The following VWF variants were observed in gnomAD, a reference collection of about 807,000 sequenced individuals.
The protein encoded by VWF is von Willebrand factor, also known as Factor VIII related antigen.
VWF carries 176 observed loss-of-function variants against 308.6 expected under a neutral mutation model. That is an observed-to-expected ratio of 0.57 (90% CI 0.50 to 0.65). The LOEUF (loss-of-function observed/expected upper bound fraction) is 0.65. Among genes scored for constraint, VWF ranks in the 30% least tolerant of loss-of-function variants. The probability of loss-of-function intolerance (pLI) is 0.00; values close to 1 mark genes in which losing one functional copy is unlikely to be tolerated. For synonymous variants in VWF, 1,385 were observed against 1,443.4 expected (o/e 0.96, Z 0.92); for missense variants, 3,146 against 3,648.2 (o/e 0.86, Z 3.55).
rs1465365401 is a variant in VWF, at chr12:5,995,930, CT to C, written c.6063+71del. 3.7e-5 allele frequency: 54 copies of C among 1,447,760 alleles called. No individual in the cohort carries two copies. The East Asian group carries it at 1.2e-3, about 33-fold the overall frequency. The allele number at this position is 1,447,760 out of a possible 1,614,324, so 89.7% of individuals were successfully genotyped here. On this transcript the variant is annotated intron_variant, in intron 35 of 51. Transcript: ENST00000261405. ...TAACAAGAGCATCAACTAAAAGCAACTGCCACCAGGTCCAGGTGGTTTTCCT... is the reference window on the plus strand; with the variant it reads ...TAACAAGAGCATCAACTAAAAGCAACGCCACCAGGTCCAGGTGGTTTTCCT...
At chr12:6,041,153 G>A (rs1015137082) in intron 18 of VWF, among the ~76,000 whole-genome samples, 1 of 152,096 alleles carries the variant, frequency 6.6e-6, no homozygotes, top group Non-Finnish European at 1.5e-5. Flanking sequence ...TTTAAGGCCG[G>A]GCATGGTGGC....
chr12:5,963,950 G>C (rs1469881996), intron 47 of VWF, among the ~76,000 whole-genome samples: 1 of 152,226 alleles, frequency 6.6e-6, no homozygotes, highest in African/African-American at 2.4e-5. Flanking sequence ...GCTCACGCCT[G>C]TAATCCCAGC....
chr12:6,075,011 G>A lies in VWF; in HGVS notation c.874+324C>T, dbSNP rs1190970751. Among the ~76,000 whole-genome samples, 1 of 151,322 alleles carries A rather than the reference G, an allele frequency of 6.6e-6. No individual in the cohort carries two copies. Among genetic ancestry groups the A allele is most frequent in the Non-Finnish European group, 1.5e-5 (1 of 67,906 alleles). On this transcript the variant is annotated intron_variant, in intron 7 of 51. Coordinates refer to ENST00000261405, the MANE Select transcript of VWF (RefSeq NM_000552.5). This position sits in a 1 kb window ranked among gnomAD's most constrained non-coding sequence, Gnocchi z 4.7. ...GGCGGTGAAGACAAAAACCAAAACC[G>A]CAACTGCCAAGATCTTGGTGGGAAG...
rs536353943 is a variant in VWF, at chr12:6,026,128, C to A, written c.2968-82G>T. On this transcript the variant is annotated intron_variant, in intron 22 of 51. Transcript: ENST00000261405. ...TCAGGGGAAAGGGGAACATTCCTGG[C>A]GGCAATGGAGGCAGAGGGCATTCGA... 3.1e-6 allele frequency: 5 copies of A among 1,600,386 alleles called. No individual in the cohort carries two copies. In the South Asian group the frequency reaches 3.3e-5, roughly 11 times the overall value.
chr12:5,969,301 C>T lies in VWF; in HGVS notation c.7639G>A (p.Val2547Ile), dbSNP rs763283384. The T allele has an allele frequency of 2.7e-5, 43 of 1,614,032 alleles. No homozygotes were observed. The highest frequency in any genetic ancestry group is 2.3e-4 in the South Asian group (21 of 91,086). ...GGGACCTCCAGCTGGGGGCAGGAGA[C>T]GTTCCTTTGTTGTATAAAGACCTCC... ...KEEVFIQQRN[V>I]SCPQLEVPVC... The change falls in exon 45 of 52, where the codon GTC becomes ATC. Residue 2547 changes from valine to isoleucine, a missense_variant. Val to Ile is a conservative substitution (Grantham distance 29, BLOSUM62 3). This residue lies in a region of VWF where 989 missense variants were observed against 1,117.4 expected (regional missense o/e 0.89). Transcript: ENST00000261405.
At chr12:6,010,478 T>G (rs1459336398) in intron 34 of VWF, among the ~76,000 whole-genome samples, 1 of 152,188 alleles carries the variant, frequency 6.6e-6, no homozygotes, top group African/African-American at 2.4e-5. Context: ...CATATGCACT[T>G]ATCTTTTGAC....
chr12:6,069,872 A>C (rs1944761734), intron 10 of VWF, among the ~76,000 whole-genome samples: 1 of 152,232 alleles, frequency 6.6e-6, no homozygotes, highest in Non-Finnish European at 1.5e-5. Flanking sequence ...CATCATGTAC[A>C]TAGTTGGTGT....
Position 6,031,460 on chromosome 12 carries a change from T to C in VWF, c.2804A>G (p.Glu935Gly). 1 of 1,614,076 alleles carries C rather than the reference T, an allele frequency of 6.2e-7. No homozygotes were observed. The highest frequency in any genetic ancestry group is 8.5e-7 in the Non-Finnish European group (1 of 1,180,026). ...TGCACTTACCTCCCCGTCAAACAGC[T>C]CAATCTCTCCTCCCTCCACCAGGAT... The part of the protein sequence containing the change: ...VTILVEGGEI[E>G]LFDGEVNVKR... The change falls in exon 21 of 52, where the codon GAG becomes GGG. Residue 935 changes from glutamate (E) to glycine (G), a missense_variant. Glu to Gly is a moderately conservative substitution (Grantham distance 98). Coordinates refer to ENST00000261405, the MANE Select transcript of VWF (RefSeq NM_000552.5).
intron 21 of VWF, 38 bp from the exon 22 acceptor site, chr12:6,029,526 G>A (rs1944234477): frequency 1.2e-6 from 2 of 1,612,914 alleles, no homozygotes; most frequent in African/African-American, 2.7e-5. Context: ...GGAGGATGAA[G>A]GGCAGGCTCG....
In VWF at chr12:6,058,007, C is replaced by T. The variant is rs772428931; in HGVS notation, c.1571G>A (p.Cys524Tyr). 6.2e-7 allele frequency: 1 copy of T among 1,613,272 alleles called. No homozygotes were observed. Among genetic ancestry groups the T allele is most frequent in the African/African-American group, 1.3e-5 (1 of 74,950 alleles). Reference protein sequence around the residue: ...PVYAGKTCGLCGNYNGNQGDD... With the variant: ...PVYAGKTCGLYGNYNGNQGDD... ...GCCCTGGTTGCCATTGTAATTCCCACACAGGCCGCAGGTCTTCCCGGCATA... is the reference window on the plus strand; with the variant it reads ...GCCCTGGTTGCCATTGTAATTCCCATACAGGCCGCAGGTCTTCCCGGCATA... The change falls in exon 14 of 52, where the codon TGT (cysteine) becomes TAT (tyrosine). Residue 524 changes from cysteine (C) to tyrosine (Y), a missense_variant. This residue lies in a region of VWF where 1,304 missense variants were observed against 1,353.0 expected (regional missense o/e 0.96). Transcript: ENST00000261405. The surrounding 1 kb of genome is among the most constrained non-coding windows in gnomAD (Gnocchi z 4.9).
intron 5 of VWF, among the ~76,000 whole-genome samples, chr12:6,103,476 G>GTATATACACATATGTGTGTA (rs1565391175): frequency 2.5e-5 from 3 of 122,258 alleles, no homozygotes; most frequent in African/African-American, 1.2e-4. Context: ...ACATATGTGT[G>GTATATACACATATGTGTGTA]TATATACATA....
chr12:5,949,497 A>G (rs1943154479), intron 51 of VWF, among the ~76,000 whole-genome samples: 1 of 152,112 alleles, frequency 6.6e-6, no homozygotes, highest in African/African-American at 2.4e-5. Context: ...GGAAAATTTT[A>G]TATATGTTTG....
At position 6,063,507 on chromosome 12, in the gene VWF, A is replaced by G. The variant is rs1944679454; in HGVS notation, c.1433-453T>C. ...TTGTTGCTTCTGTGGGAAGGTGGCG[A>G]CAGATAGGAGCACACCCCTTGCCCT... On this transcript the variant is annotated intron_variant, in intron 12 of 51. Transcript: ENST00000261405. The surrounding 1 kb of genome is among the most constrained non-coding windows in gnomAD (Gnocchi z 4.9). 6.6e-6 allele frequency among the ~76,000 whole-genome samples: 1 copy of G among 152,136 alleles called. No homozygotes were observed. Among genetic ancestry groups the G allele is most frequent in the Non-Finnish European group, 1.5e-5 (1 of 68,030 alleles).
chr12:6,102,547 C>T (rs181497921), intron 5 of VWF, among the ~76,000 whole-genome samples: 3 of 151,966 alleles, frequency 2.0e-5, no homozygotes, highest in East Asian at 1.9e-4. Flanking sequence ...CCATCCTGGC[C>T]AACACGGTGA....
At chr12:5,951,979 C>A (rs546890083) in intron 49 of VWF, 96 bp from the exon 50 acceptor site, 1 of 1,251,662 alleles carries the variant, frequency 8.0e-7, no homozygotes, top group Non-Finnish European at 1.2e-6. Flanking sequence ...GAACTCACAG[C>A]CCTGTGCTTA....
chr12:5,962,949 C>G (rs1311216458), intron 47 of VWF, among the ~76,000 whole-genome samples: 1 of 152,118 alleles, frequency 6.6e-6, no homozygotes, highest in East Asian at 1.9e-4. Context: ...ATGGGAGACC[C>G]CTACTTTATA....
Position 6,065,140 on chromosome 12 carries a change from G to A in VWF, c.1290C>T (p.Val430=). The A allele has an allele frequency of 6.2e-7, 1 of 1,614,208 alleles. No individual in the cohort carries two copies. The highest frequency in any genetic ancestry group is 8.5e-7 in the Non-Finnish European group (1 of 1,180,046). ...DHSFSIVIET[V]QCADDRDAVC... ...CAGCCGGGCTGGCAAAGCTCACCTG[G>A]ACAGTCTCAATGACAATGGAGAAGG... Residue 430 remains valine, a synonymous_variant, in exon 11 of 52, where the codon GTC becomes GTT. Coordinates refer to ENST00000261405, the MANE Select transcript of VWF (RefSeq NM_000552.5).
intron 31 of VWF, among the ~76,000 whole-genome samples, chr12:6,015,881 T>C (rs1333018378): frequency 2.6e-5 from 4 of 152,212 alleles, no homozygotes; most frequent in Non-Finnish European, 5.9e-5. Flanking sequence ...TATAAAGATA[T>C]AGGATCAATA....
At chr12:6,023,471 C>T (rs1260634604) in intron 25 of VWF, among the ~76,000 whole-genome samples, 160 bp downstream of exon 25, 1 of 152,216 alleles carries the variant, frequency 6.6e-6, no homozygotes, top group Admixed American at 6.5e-5. Flanking sequence ...TCTTACACAG[C>T]CAATGTCTTA....
Sources: allele counts gnomAD v4.1 joint callset (sites outside exome capture counted in the v4.1 genomes callset), GRCh38; gene constraint gnomAD v4.1.1; regional missense constraint gnomAD v4.1.1; non-coding constraint Gnocchi (gnomAD v3.1); transcripts MANE v1.5; gene names NCBI Gene and HGNC (gene_info 2026-07-23, HGNC 2026-07-21).